The following CLTCL1 variants were observed in gnomAD, a reference collection of about 807,000 sequenced individuals.
CLTCL1 encodes the protein clathrin heavy chain 2.
A neutral mutation model predicts 190.0 loss-of-function variants in CLTCL1; 159 were observed. That is an observed-to-expected ratio of 0.84 (90% CI 0.74 to 0.95). The LOEUF is 0.95. CLTCL1 is among the 40% of genes least tolerant of loss of function. The probability of loss-of-function intolerance (pLI) is 0.00; values close to 1 mark genes in which losing one functional copy is unlikely to be tolerated. For missense variants in CLTCL1, 1,878 were observed against 2,033.4 expected, an observed-to-expected ratio of 0.92 and a Z score of 1.47; for synonymous variants, 752 against 769.6, an observed-to-expected ratio of 0.98 and a Z score of 0.38.
At chr22:19,202,734 ACT>A (rs1394271362) in intron 22 of CLTCL1, among the ~76,000 whole-genome samples, 3 of 151,922 alleles carry the variant, frequency 2.0e-5, no homozygotes, top group Admixed American at 2.0e-4. Flanking sequence ...TCTCATGTTA[ACT>A]CTTTCATATC....
Position 19,225,499 on chromosome 22 carries a change from G to T in CLTCL1, c.2082C>A (p.Gly694=). ...CAAAGAGCTCCACCAGGGCCTGCGT[G>T]CCCAGCTGCTCGTGGTACTTAGAGG... ...QVASKYHEQL[G]TQALVELFES... is the part of the protein sequence containing the mutation. The change falls in exon 13 of 33, where the codon GGC becomes GGA. Residue 694 remains glycine, a synonymous_variant. Transcript: ENST00000427926. 6.3e-7 allele frequency: 1 copy of T among 1,588,502 alleles called. No homozygotes were observed. The highest frequency in any genetic ancestry group is 1.7e-4 in the Middle Eastern group (1 of 6,032).
At chr22:19,201,916 T>G (rs2084899922) in intron 22 of CLTCL1, among the ~76,000 whole-genome samples, 1 of 152,138 alleles carries the variant, frequency 6.6e-6, no homozygotes, top group Admixed American at 6.5e-5. Context: ...TTTCTCATTC[T>G]CTGGCAATTT....
At chr22:19,239,630 G>A (rs1294050632) in intron 4 of CLTCL1, among the ~76,000 whole-genome samples, 1 of 152,242 alleles carries the variant, frequency 6.6e-6, no homozygotes, top group Admixed American at 6.5e-5. Flanking sequence ...CTCAGTTCCA[G>A]CACAGTGGCA....
intron 24 of CLTCL1, among the ~76,000 whole-genome samples, chr22:19,196,931 GA>G (rs200949438): frequency 2.9e-4 from 44 of 151,090 alleles, no homozygotes; most frequent in Middle Eastern, 3.4e-3. Flanking sequence ...TAAAGAATTA[GA>G]AAAAAAAATA....
rs2085658699 is a variant in CLTCL1 at position 19,223,980 on chromosome 22, C to CA, written c.2202dup (p.Ala735CysfsTer3). The CA allele has an allele frequency of 6.2e-7, 1 of 1,614,022 alleles. No homozygotes were observed. Among genetic ancestry groups the CA allele is most frequent in the Non-Finnish European group, 8.5e-7 (1 of 1,179,890 alleles). On this transcript the variant is annotated frameshift_variant, in exon 14 of 33. Coordinates refer to ENST00000427926, the MANE Select transcript of CLTCL1 (RefSeq NM_007098.4). LOFTEE classifies it high-confidence loss of function. Reference sequence around the variant, plus strand: ...TCCTTGATCTGCCCTGTCTTACAGGCAGCCTGAATGTATTTCAGATGCACA... The same window carrying CA: ...TCCTTGATCTGCCCTGTCTTACAGGCAAGCCTGAATGTATTTCAGATGCACA...
In CLTCL1 at chr22:19,216,248, C is replaced by T. The variant is rs1462279320; in HGVS notation, c.2928G>A (p.Gln976=). 5.6e-6 allele frequency: 9 copies of T among 1,613,220 alleles called. No homozygotes were observed. Among genetic ancestry groups the T allele is most frequent in the Non-Finnish European group, 7.6e-6 (9 of 1,179,666 alleles). The part of the protein sequence containing the change: ...SRRQLIDQVV[Q]TALSETRDPE... Reference sequence around the variant, plus strand: ...GATCCCGTGTTTCTGACAATGCTGTCTGTACCACCTGGTTTTAAAAAGCAT... The same window carrying T: ...GATCCCGTGTTTCTGACAATGCTGTTTGTACCACCTGGTTTTAAAAAGCAT... Residue 976 remains glutamine, a synonymous_variant, in exon 19 of 33, where the codon CAG becomes CAA. Coordinates refer to ENST00000427926, the MANE Select transcript of CLTCL1 (RefSeq NM_007098.4).
At chr22:19,246,137 G>A (rs1238855462) in intron 3 of CLTCL1, among the ~76,000 whole-genome samples, 1 of 151,418 alleles carries the variant, frequency 6.6e-6, no homozygotes, top group African/African-American at 2.4e-5. Flanking sequence ...TTGGCTCACT[G>A]CAAGCTCTGC....
At chr22:19,232,746 C>T in intron 9 of CLTCL1, 148 bp from the exon 10 acceptor site, 2 of 966,188 alleles carry the variant, frequency 2.1e-6, no homozygotes, top group South Asian at 3.5e-5. Flanking sequence ...CTGCCAAACA[C>T]AATATCCAAT....
intron 21 of CLTCL1, 149 bp downstream of exon 21, chr22:19,208,772 AC>A: frequency 1.6e-6 from 1 of 644,514 alleles, no homozygotes; most frequent in South Asian, 2.4e-5. Context: ...TTTATCTCAG[AC>A]TCTTGTGGGA....
At chr22:19,289,659 G>C (rs1368779237) in intron 1 of CLTCL1, among the ~76,000 whole-genome samples, 1 of 151,598 alleles carries the variant, frequency 6.6e-6, no homozygotes, top group African/African-American at 2.4e-5. Flanking sequence ...GAAACAACAA[G>C]ACAGAAGGAT....
intron 16 of CLTCL1, 106 bp downstream of exon 16, chr22:19,221,845 G>T: frequency 1.6e-6 from 2 of 1,281,792 alleles, no homozygotes; most frequent in Non-Finnish European, 1.1e-6. Context: ...TCTAAGATGT[G>T]TACATGAACG....
chr22:19,288,681 C>T (rs1003410098), intron 1 of CLTCL1, among the ~76,000 whole-genome samples: 1 of 152,246 alleles, frequency 6.6e-6, no homozygotes, highest in African/African-American at 2.4e-5. Flanking sequence ...CACACACACA[C>T]AGCAGTGAAA....
At chr22:19,258,778 C>A in intron 2 of CLTCL1, 1 of 688,874 alleles carries the variant, frequency 1.5e-6, no homozygotes, top group Non-Finnish European at 2.7e-6. Flanking sequence ...GTGTTTGAGA[C>A]CAACGACACC....
In CLTCL1 at chr22:19,222,754, A is replaced by C. The variant is rs371796240; in HGVS notation, c.2348T>G (p.Phe783Cys). 6.2e-7 allele frequency: 1 copy of C among 1,601,026 alleles called. No individual in the cohort carries two copies. Among genetic ancestry groups the C allele is most frequent in the African/African-American group, 1.3e-5 (1 of 74,754 alleles). ...TAAATATAGGACAAGGTCATGGACAAAGCCAAAACGATCACACACGATGAT... is the reference window on the plus strand; with the variant it reads ...TAAATATAGGACAAGGTCATGGACACAGCCAAAACGATCACACACGATGAT... Reference protein sequence around the residue: ...PLIIVCDRFGFVHDLVLYLYR... With the variant: ...PLIIVCDRFGCVHDLVLYLYR... The change falls in exon 15 of 33, where the codon TTT becomes TGT. Residue 783 changes from phenylalanine to cysteine, a missense_variant. Transcript: ENST00000427926.
chr22:19,282,960 C>T (rs2146356159), intron 1 of CLTCL1, among the ~76,000 whole-genome samples: 1 of 151,354 alleles, frequency 6.6e-6, no homozygotes, highest in East Asian at 2.0e-4. Flanking sequence ...CAACCTCTGC[C>T]TCCCCAGTTC....
At chr22:19,245,961 C>G (rs186252838) in intron 3 of CLTCL1, among the ~76,000 whole-genome samples, 1 of 152,176 alleles carries the variant, frequency 6.6e-6, no homozygotes, top group African/African-American at 2.4e-5. Flanking sequence ...AATGCTATTA[C>G]GAATATCTGT....
At chr22:19,249,964 A>G in intron 3 of CLTCL1, 1 of 401,504 alleles carries the variant, frequency 2.5e-6, no homozygotes, top group South Asian at 1.8e-5. Flanking sequence ...GGTGAATACA[A>G]ATAAATGGGC....
Position 19,245,540 on chromosome 22 carries a change from C to T in CLTCL1, c.520-2604G>A, listed in dbSNP as rs1379833308. 4.5e-4 allele frequency among the ~76,000 whole-genome samples: 68 copies of T among 152,080 alleles called. 1 individual carries two copies. Among genetic ancestry groups the T allele is most frequent in the Non-Finnish European group, 2.8e-4 (19 of 68,024 alleles). On this transcript the variant is annotated intron_variant, in intron 3 of 32. Coordinates refer to ENST00000427926, the MANE Select transcript of CLTCL1 (RefSeq NM_007098.4). ...GTGACATTCACAAAACAAAATGAAC[C>T]ATTTTAAAGTGTATGATTGAATGGC...
intron 8 of CLTCL1, 24 bp from the exon 9 acceptor site, chr22:19,233,342 C>A: frequency 6.2e-7 from 1 of 1,610,634 alleles, no homozygotes. Flanking sequence ...AGGGACAAGG[C>A]AAAGTTAGGA....
Sources: allele counts gnomAD v4.1 joint callset (sites outside exome capture counted in the v4.1 genomes callset), GRCh38; gene constraint gnomAD v4.1.1; transcripts MANE v1.5; gene names NCBI Gene and HGNC (gene_info 2026-07-23, HGNC 2026-07-21).